Variants in STK32B observed in about 807,000 individuals in gnomAD.
STK32B encodes the protein serine/threonine-protein kinase 32B.
In STK32B, 43 loss-of-function variants were observed where a neutral mutation model predicts 52.6. The ratio of observed to expected loss-of-function variants is 0.82; its 90% CI spans 0.64 to 1.05. The LOEUF (loss-of-function observed/expected upper bound fraction) is 1.05, where lower values mean the gene tolerates loss of function less well. Ranked by LOEUF, STK32B falls within the 50% of genes least tolerant of loss-of-function variation. The probability of loss-of-function intolerance (pLI) is 0.00; values close to 1 mark genes in which losing one functional copy is unlikely to be tolerated. For missense variants in STK32B, 621 were observed against 534.6 expected, an observed-to-expected ratio of 1.16 and a Z score of -1.59; for synonymous variants, 238 against 204.3, an observed-to-expected ratio of 1.17 and a Z score of -1.41.
intron 3 of STK32B, among the ~76,000 whole-genome samples, chr4:5,312,257 GTTTTTT>G (rs144734513): frequency 4.1e-5 from 6 of 147,628 alleles, no homozygotes; most frequent in Non-Finnish European, 9.0e-5. Context: ...CTTACGTTTA[GTTTTTT>G]TTTTATTTTA....
chr4:5,161,027 G>A (rs1718399252), intron 2 of STK32B, among the ~76,000 whole-genome samples: 1 of 152,114 alleles, frequency 6.6e-6, no homozygotes. Context: ...CCCACTTAGG[G>A]CCTGGGGATC....
intron 3 of STK32B, among the ~76,000 whole-genome samples, chr4:5,321,858 T>A (rs928953179): frequency 6.6e-6 from 1 of 152,132 alleles, no homozygotes; most frequent in Non-Finnish European, 1.5e-5. Context: ...GGTTCTCATC[T>A]TGTCGCCTTG....
intron 3 of STK32B, among the ~76,000 whole-genome samples, chr4:5,174,860 T>A (rs1403303347): frequency 3.9e-5 from 6 of 152,240 alleles, no homozygotes; most frequent in African/African-American, 1.2e-4. Flanking sequence ...CCTTGCTAGA[T>A]TGGGGAAGTT....
In STK32B at chr4:5,395,244, C is replaced by G. The variant is rs1051743317; in HGVS notation, c.435-2963C>G. 2.6e-5 allele frequency among the ~76,000 whole-genome samples: 4 copies of G among 152,136 alleles called. No individual in the cohort carries two copies. Among genetic ancestry groups the G allele is most frequent in the African/African-American group, 9.7e-5 (4 of 41,398 alleles). On this transcript the variant is annotated intron_variant, in intron 4 of 11. Transcript: ENST00000282908. This position sits in a 1 kb window ranked among gnomAD's most constrained non-coding sequence, Gnocchi z 4.4. ...TGTAACATAATCCCGGGACTGCCAT[C>G]CCACCAAGTTTGCCCTGTAACATAA... is the stretch of plus-strand genomic sequence containing the variant.
chr4:5,192,834 G>A (rs940644335), intron 3 of STK32B, among the ~76,000 whole-genome samples: 4 of 152,156 alleles, frequency 2.6e-5, no homozygotes, highest in African/African-American at 9.7e-5. Flanking sequence ...GCCGCCTCCT[G>A]TAACTAACAG....
intron 3 of STK32B, among the ~76,000 whole-genome samples, chr4:5,327,395 A>C (rs1426258569): frequency 2.0e-5 from 3 of 151,476 alleles, no homozygotes; most frequent in Non-Finnish European, 4.4e-5. Flanking sequence ...TATGGCAGTT[A>C]TAGTCTTACA....
rs1189368763 is a variant in STK32B, at chr4:5,386,899, G to GA, written c.435-11306dup. 3.9e-5 allele frequency among the ~76,000 whole-genome samples: 6 copies of GA among 152,188 alleles called. No individual in the cohort carries two copies. Among genetic ancestry groups the GA allele is most frequent in the Non-Finnish European group, 5.9e-5 (4 of 68,032 alleles). On this transcript the variant is annotated intron_variant, in intron 4 of 11. Coordinates refer to ENST00000282908, the MANE Select transcript of STK32B (RefSeq NM_018401.3). The surrounding 1 kb of genome is among the most constrained non-coding windows in gnomAD (Gnocchi z 4.5). ...CATTGTCCTCAGAAAGCTGGATGAG[G>GA]AACATGAGGCCGTGGCCTGAGCGTC...
At chr4:5,325,889 G>C (rs1731841431) in intron 3 of STK32B, among the ~76,000 whole-genome samples, 1 of 152,164 alleles carries the variant, frequency 6.6e-6, no homozygotes, top group Non-Finnish European at 1.5e-5. Context: ...GTAGAATAGT[G>C]CAAAACTACA....
chr4:5,032,476 C>CA, the STK32B span, among the ~76,000 whole-genome samples: 1,397 of 49,526 alleles, frequency 0.028, 39 homozygotes, highest in East Asian at 0.04. Flanking sequence ...GACTCCATCT[C>CA]AAAAAAAAAA....
chr4:5,054,146 ATTTATTTCG>A (rs1386480208), intron 1 of STK32B, among the ~76,000 whole-genome samples: 1 of 152,086 alleles, frequency 6.6e-6, no homozygotes, highest in Non-Finnish European at 1.5e-5. Context: ...CAACCGACTC[ATTTATTTCG>A]TAGGCATTTA....
intron 3 of STK32B, among the ~76,000 whole-genome samples, chr4:5,286,359 G>A (rs993269840): frequency 6.6e-6 from 1 of 152,176 alleles, no homozygotes. Flanking sequence ...CTATGGAGAA[G>A]TGCACAAATG....
intron 3 of STK32B, among the ~76,000 whole-genome samples, chr4:5,317,185 T>TAATATAC (rs1560313119): frequency 1.8e-5 from 1 of 56,080 alleles, no homozygotes; most frequent in African/African-American, 1.5e-4. Flanking sequence ...ATAATATATA[T>TAATATAC]ATATAACATA....
intron 3 of STK32B, among the ~76,000 whole-genome samples, chr4:5,176,383 C>G (rs570453381): frequency 1.3e-5 from 2 of 150,240 alleles, no homozygotes; most frequent in Non-Finnish European, 3.0e-5. Context: ...CACCGGTCTT[C>G]TGCGTTGCTT....
intron 1 of STK32B, among the ~76,000 whole-genome samples, chr4:5,098,335 C>G (rs572327120): frequency 8.5e-5 from 13 of 152,260 alleles, no homozygotes; most frequent in Admixed American, 2.6e-4. Flanking sequence ...ACAGGAGGAC[C>G]CTGGGAACAA....
At chr4:5,263,017 A>T (rs1252072411) in intron 3 of STK32B, among the ~76,000 whole-genome samples, 1 of 151,946 alleles carries the variant, frequency 6.6e-6, no homozygotes, top group African/African-American at 2.4e-5. Flanking sequence ...CATCCCAAAA[A>T]CTTAAGCATC....
intron 1 of STK32B, among the ~76,000 whole-genome samples, chr4:5,089,160 A>G (rs1404042702): frequency 6.6e-6 from 1 of 152,144 alleles, no homozygotes; most frequent in Non-Finnish European, 1.5e-5. Flanking sequence ...AATATTATGA[A>G]TAATTGTATG....
intron 4 of STK32B, among the ~76,000 whole-genome samples, chr4:5,371,638 C>G (rs1393823789): frequency 6.6e-6 from 1 of 152,118 alleles, no homozygotes; most frequent in Non-Finnish European, 1.5e-5. Context: ...CTCTGCGTGC[C>G]AAGCAAACAT....
At chr4:5,175,692 T>A (rs866408499) in intron 3 of STK32B, among the ~76,000 whole-genome samples, 35 of 152,022 alleles carry the variant, frequency 2.3e-4, no homozygotes, top group Admixed American at 6.5e-4. Context: ...CCCGGCCGTG[T>A]GAGGTGTCAA....
the STK32B span, among the ~76,000 whole-genome samples, chr4:5,036,081 TA>T: frequency 1.3e-5 from 2 of 148,814 alleles, no homozygotes; most frequent in African/African-American, 4.9e-5. Flanking sequence ...CGTGCCTGGC[TA>T]AAAAAAAAAC....
Sources: allele counts gnomAD v4.1 joint callset (sites outside exome capture counted in the v4.1 genomes callset), GRCh38; gene constraint gnomAD v4.1.1; non-coding constraint Gnocchi (gnomAD v3.1); transcripts MANE v1.5; gene names NCBI Gene and HGNC (gene_info 2026-07-23, HGNC 2026-07-21).